The following FAM174B variants were observed in gnomAD, a reference collection of about 807,000 sequenced individuals.
FAM174B encodes membrane protein FAM174B.
In FAM174B, 12 loss-of-function variants were observed where a neutral mutation model predicts 10.9. The observed-to-expected ratio is 1.10, with a 90% confidence interval of 0.71 to 1.79. The LOEUF is 1.79. Among genes scored for constraint, FAM174B ranks in the 40% most tolerant of loss-of-function variants. The probability of loss-of-function intolerance (pLI) is 0.00; values close to 1 mark genes in which losing one functional copy is unlikely to be tolerated. For missense variants in FAM174B, 266 were observed against 233.3 expected (o/e 1.14, Z -0.91); for synonymous variants, 132 against 115.8 (o/e 1.14, Z -0.90).
At position 92,618,089 on chromosome 15, in the gene FAM174B, A is replaced by G; in HGVS notation, c.*1367T>C. 5.1e-6 allele frequency: 1 copy of G among 195,794 alleles called. No homozygotes were observed. Among genetic ancestry groups the G allele is most frequent in the East Asian group, 1.1e-4 (1 of 8,708 alleles). 12.1% of individuals were successfully genotyped at this position (195,794 alleles called of 1,614,324 possible). ...GGAAAGGCTGGAGTTTTCATCCAAA[A>G]AAAAAAAGAGCAGGACAATAAACAG... On this transcript the variant is annotated 3_prime_UTR_variant, in exon 3 of 3. Transcript: ENST00000327355.
intron 1 of FAM174B, among the ~76,000 whole-genome samples, chr15:92,649,743 A>G (rs956374141): frequency 6.6e-6 from 1 of 152,182 alleles, no homozygotes; most frequent in Non-Finnish European, 1.5e-5. Flanking sequence ...CCATCCTGAC[A>G]ATCCAAAATG....
chr15:92,624,264 C>G (rs944661726), intron 2 of FAM174B, among the ~76,000 whole-genome samples: 1 of 152,204 alleles, frequency 6.6e-6, no homozygotes, highest in African/African-American at 2.4e-5. Context: ...AGGTCACCGG[C>G]TCCTCTCTGG....
Position 92,655,701 on chromosome 15 carries a change from C to T in FAM174B, c.-42G>A, listed in dbSNP as rs2051001210. 7 of 1,231,626 alleles carry T rather than the reference C, an allele frequency of 5.7e-6. No individual in the cohort carries two copies. Among genetic ancestry groups the T allele is most frequent in the Non-Finnish European group, 6.1e-6 (6 of 987,338 alleles). The allele number at this position is 1,231,626 out of a possible 1,614,324, so 76.3% of individuals were successfully genotyped here. A position where few individuals can be genotyped will look rare whatever the true frequency, so the allele number is the denominator to read the frequency against. On this transcript the variant is annotated 5_prime_UTR_variant, in exon 1 of 3. Coordinates refer to ENST00000327355, the MANE Select transcript of FAM174B (RefSeq NM_207446.3). Reference sequence around the variant, plus strand: ...ACAGGATCGGGCAGGGCGCGCGCGGCTGAGCTCCAGGATCCGCACCAGCAC... The same window carrying T: ...ACAGGATCGGGCAGGGCGCGCGCGGTTGAGCTCCAGGATCCGCACCAGCAC...
intron 1 of FAM174B, among the ~76,000 whole-genome samples, chr15:92,652,155 C>T (rs2050970546): frequency 1.3e-5 from 2 of 152,220 alleles, no homozygotes; most frequent in African/African-American, 2.4e-5. Flanking sequence ...GTGCCTGGAA[C>T]CACACTAGGT....
intron 1 of FAM174B, among the ~76,000 whole-genome samples, chr15:92,654,253 T>C (rs751745478): frequency 1.8e-4 from 27 of 152,284 alleles, no homozygotes; most frequent in Admixed American, 5.9e-4. Context: ...CTGAAAATGC[T>C]ACCAGGAGAG....
intron 2 of FAM174B, among the ~76,000 whole-genome samples, chr15:92,624,501 C>A (rs193302381): frequency 1.3e-5 from 2 of 152,346 alleles, no homozygotes; most frequent in African/African-American, 4.8e-5. Flanking sequence ...ACTCAGAGCT[C>A]CCGGGTAGCA....
intron 2 of FAM174B, among the ~76,000 whole-genome samples, chr15:92,622,269 G>A (rs8025001): frequency 0.02 from 2,987 of 152,346 alleles, 105 homozygotes; most frequent in African/African-American, 0.068. Context: ...ACACAAGGTA[G>A]GGAGCCACAC....
intron 1 of FAM174B, among the ~76,000 whole-genome samples, chr15:92,632,729 C>T (rs899656761): frequency 6.6e-5 from 10 of 151,870 alleles, no homozygotes; most frequent in Non-Finnish European, 1.3e-4. Context: ...GTTATGTTGC[C>T]CAGGCTGGTC....
intron 1 of FAM174B, among the ~76,000 whole-genome samples, chr15:92,641,691 CTT>C (rs944578841): frequency 1.3e-5 from 2 of 151,820 alleles, no homozygotes; most frequent in African/African-American, 4.8e-5. Flanking sequence ...GTATGTAAGA[CTT>C]ATATGTAAGA....
At chr15:92,631,763 T>C (rs1165377300) in intron 1 of FAM174B, among the ~76,000 whole-genome samples, 2 of 151,620 alleles carry the variant, frequency 1.3e-5, no homozygotes, top group African/African-American at 4.9e-5. Context: ...CCCAAAGTGC[T>C]GGGATCACAG....
rs767963246 is a variant in FAM174B at position 92,630,335 on chromosome 15, T to C, written c.355A>G (p.Arg119Gly). The C allele has an allele frequency of 6.8e-6, 11 of 1,611,814 alleles. No homozygotes were observed. The highest frequency in any genetic ancestry group is 9.3e-6 in the Non-Finnish European group (11 of 1,178,778). Residue 119 changes from arginine (R) to glycine (G), a missense_variant, in exon 2 of 3, where the codon AGG (arginine) becomes GGG (glycine). Arg to Gly is a moderately radical substitution (Grantham distance 125, BLOSUM62 -2). Coordinates refer to ENST00000327355, the MANE Select transcript of FAM174B (RefSeq NM_207446.3). Reference sequence around the variant, plus strand: ...TCATACTTGCGTGTCTTCTTTAACCTCTTTCCCGACCTGCAGGAGAAGAAG... The same window carrying C: ...TCATACTTGCGTGTCTTCTTTAACCCCTTTCCCGACCTGCAGGAGAAGAAG... ...LLLRVFRSGK[R>G]LKKTRKYDII...
At chr15:92,645,252 T>C (rs1448130559) in intron 1 of FAM174B, among the ~76,000 whole-genome samples, 2 of 152,226 alleles carry the variant, frequency 1.3e-5, no homozygotes, top group African/African-American at 4.8e-5. Flanking sequence ...CTCTACCTCC[T>C]GGGCACCATC....
At chr15:92,645,306 G>T (rs781742445) in intron 1 of FAM174B, among the ~76,000 whole-genome samples, 1 of 152,232 alleles carries the variant, frequency 6.6e-6, no homozygotes, top group Non-Finnish European at 1.5e-5. Context: ...TTGACCCCAG[G>T]ATGGGCATGC....
At chr15:92,635,381 G>C (rs2050848675) in intron 1 of FAM174B, among the ~76,000 whole-genome samples, 1 of 151,758 alleles carries the variant, frequency 6.6e-6, no homozygotes, top group Non-Finnish European at 1.5e-5. Context: ...CCACTGCTGG[G>C]TGTGTTAATA....
chr15:92,631,411 ATAAT>A (rs1353147784), intron 1 of FAM174B, among the ~76,000 whole-genome samples: 1 of 49,820 alleles, frequency 2.0e-5, no homozygotes, highest in African/African-American at 1.2e-4. Context: ...TATATTATAT[ATAAT>A]ATATAATATA....
chr15:92,638,643 C>G (rs1004329823), intron 1 of FAM174B, among the ~76,000 whole-genome samples: 4 of 152,204 alleles, frequency 2.6e-5, no homozygotes, highest in African/African-American at 9.6e-5. Flanking sequence ...GCAAGCCTCT[C>G]GTCATGAACC....
rs570409026 is a variant in FAM174B at position 92,655,238 on chromosome 15, G to A, written c.344+78C>T. On this transcript the variant is annotated intron_variant, in intron 1 of 2. Coordinates refer to ENST00000327355, the MANE Select transcript of FAM174B (RefSeq NM_207446.3). ...CCAGGGCACCTGTGCGTGCAGGTGG[G>A]GCGGGCGCGCGGCGACAGCAGGTTG... 1,391 of 1,439,730 alleles carry A rather than the reference G, an allele frequency of 9.7e-4. 3 individuals carry two copies. Among genetic ancestry groups the A allele is most frequent in the Admixed American group, 1.5e-3 (56 of 37,032 alleles). 89.2% of individuals were successfully genotyped at this position (1,439,730 alleles called of 1,614,324 possible).
intron 1 of FAM174B, among the ~76,000 whole-genome samples, chr15:92,643,213 C>T (rs1450601642): frequency 1.3e-5 from 2 of 151,974 alleles, no homozygotes; most frequent in African/African-American, 4.8e-5. Context: ...AGCAATCCTC[C>T]CATCTTGGCC....
intron 1 of FAM174B, among the ~76,000 whole-genome samples, chr15:92,633,374 A>C (rs2050832032): frequency 6.6e-6 from 1 of 152,216 alleles, no homozygotes; most frequent in African/African-American, 2.4e-5. Context: ...TGTTTACCAA[A>C]GTGTCACGTC....
Sources: allele counts gnomAD v4.1 joint callset (sites outside exome capture counted in the v4.1 genomes callset), GRCh38; gene constraint gnomAD v4.1.1; transcripts MANE v1.5; gene names NCBI Gene and HGNC (gene_info 2026-07-23, HGNC 2026-07-21).